Variants in KAZN observed in about 807,000 individuals in gnomAD.
KAZN encodes the protein kazrin, periplakin interacting protein.
KAZN carries 40 observed loss-of-function variants against 87.4 expected under a neutral mutation model. That is an observed-to-expected ratio of 0.46 (90% confidence interval 0.36 to 0.60). The LOEUF (loss-of-function observed/expected upper bound fraction) is 0.60, where lower values mean the gene tolerates loss of function less well. Ranked by LOEUF, KAZN falls within the 20% of genes least tolerant of loss-of-function variation. The pLI, the probability that KAZN is intolerant of heterozygous loss-of-function variation, is 0.00. For synonymous variants in KAZN, 466 were observed against 458.3 expected (o/e 1.02, Z -0.22); for missense variants, 898 against 1,073.9 (o/e 0.84, Z 2.29).
intron 2 of KAZN, among the ~76,000 whole-genome samples, chr1:14,204,131 G>C (rs1288477194): frequency 6.6e-6 from 1 of 152,224 alleles, no homozygotes; most frequent in Admixed American, 6.5e-5. Context: ...GTTAAGACTG[G>C]TTGACCCGTT....
chr1:15,101,924 C>T (rs1035154427), intron 11 of KAZN, 150 bp downstream of exon 11: 11 of 646,644 alleles, frequency 1.7e-5, no homozygotes, highest in South Asian at 5.4e-5. Flanking sequence ...ATTGATCATC[C>T]GTCCATCCAT....
At chr1:14,845,216 T>C (rs969000693) in intron 1 of KAZN, among the ~76,000 whole-genome samples, 7 of 143,248 alleles carry the variant, frequency 4.9e-5, no homozygotes, top group African/African-American at 1.9e-4. Context: ...AGTGGATGGG[T>C]GGGTGGATGG....
intron 2 of KAZN, among the ~76,000 whole-genome samples, chr1:14,580,174 G>A (rs964811988): frequency 2.0e-5 from 3 of 152,124 alleles, no homozygotes; most frequent in African/African-American, 7.2e-5. Flanking sequence ...GCTGGCGAAT[G>A]TATCTTTAAA....
In KAZN at chr1:15,099,491, G is replaced by C. The variant is rs904843175; in HGVS notation, c.1548-2052G>C. ...AGAAAAGGGAGATTTGACGCCCAAGGGATGAGGAGGGGTGAGCCCTGGGCA... is the reference window on the plus strand; with the variant it reads ...AGAAAAGGGAGATTTGACGCCCAAGCGATGAGGAGGGGTGAGCCCTGGGCA... On this transcript the variant is annotated intron_variant, in intron 10 of 14. Transcript: ENST00000376030. This position sits in a 1 kb window ranked among gnomAD's most constrained non-coding sequence, Gnocchi z 5.4. Among the ~76,000 whole-genome samples, 1 of 152,178 alleles carries C rather than the reference G, an allele frequency of 6.6e-6. No individual in the cohort carries two copies. Among genetic ancestry groups the C allele is most frequent in the Non-Finnish European group, 1.5e-5 (1 of 68,040 alleles).
At chr1:14,905,798 G>A (rs1274916304) in intron 1 of KAZN, among the ~76,000 whole-genome samples, 2 of 150,320 alleles carry the variant, frequency 1.3e-5, no homozygotes, top group East Asian at 4.0e-4. Flanking sequence ...AGCCGAGATG[G>A]CACCACTGCA....
At chr1:14,158,485 T>C (rs1645643922) in intron 1 of KAZN, among the ~76,000 whole-genome samples, 1 of 152,184 alleles carries the variant, frequency 6.6e-6, no homozygotes, top group Admixed American at 6.5e-5. Context: ...CTTTGTTATA[T>C]TTATTTGATA....
intron 2 of KAZN, among the ~76,000 whole-genome samples, chr1:14,276,635 T>C (rs985991998): frequency 1.3e-5 from 2 of 152,160 alleles, no homozygotes; most frequent in African/African-American, 4.8e-5. Context: ...ATCTTTCCTC[T>C]GTGTGTGTCT....
chr1:14,514,606 T>TGAA (rs1557770506), intron 2 of KAZN, among the ~76,000 whole-genome samples: 16 of 29,328 alleles, frequency 5.5e-4, no homozygotes, highest in Non-Finnish European at 7.9e-4. Context: ...TATATATATA[T>TGAA]ATATATATAT....
At chr1:13,953,524 T>C (rs1168489059) in intron 1 of KAZN, among the ~76,000 whole-genome samples, 1 of 152,200 alleles carries the variant, frequency 6.6e-6, no homozygotes, top group Non-Finnish European at 1.5e-5. Flanking sequence ...CCACCAGCCC[T>C]TTTCTTCTAG....
At chr1:14,205,528 G>C (rs1646721218) in intron 2 of KAZN, among the ~76,000 whole-genome samples, 1 of 152,112 alleles carries the variant, frequency 6.6e-6, no homozygotes, top group Non-Finnish European at 1.5e-5. Context: ...GATACACTGT[G>C]GCAGTGAAAA....
chr1:14,084,398 T>C (rs1643788292), intron 1 of KAZN, among the ~76,000 whole-genome samples: 1 of 152,162 alleles, frequency 6.6e-6, no homozygotes, highest in Admixed American at 6.5e-5. Flanking sequence ...GAATTCTCCC[T>C]GCTATTTGGC....
intron 2 of KAZN, among the ~76,000 whole-genome samples, chr1:14,360,989 C>T (rs1659456358): frequency 1.3e-5 from 2 of 152,236 alleles, no homozygotes; most frequent in Admixed American, 6.5e-5. Context: ...CGGCTGCTCT[C>T]TTCAGAGCCA....
intron 1 of KAZN, chr1:14,924,159 C>A: frequency 1.0e-6 from 1 of 982,206 alleles, no homozygotes; most frequent in Non-Finnish European, 1.2e-6. Context: ...GCTCCGCGGC[C>A]GAATTCCTCG....
At chr1:14,315,325 C>T (rs1655582115) in intron 2 of KAZN, among the ~76,000 whole-genome samples, 1 of 152,074 alleles carries the variant, frequency 6.6e-6, no homozygotes, top group Non-Finnish European at 1.5e-5. Flanking sequence ...CAGAACTAAA[C>T]AGTGAAGCAG....
At chr1:14,243,989 C>T (rs575774399) in intron 2 of KAZN, among the ~76,000 whole-genome samples, 2 of 152,328 alleles carry the variant, frequency 1.3e-5, no homozygotes, top group East Asian at 1.9e-4. Flanking sequence ...CCAAGAGAGA[C>T]ATGCAGAGTT....
At chr1:14,806,764 G>C (rs1006684977) in intron 1 of KAZN, among the ~76,000 whole-genome samples, 1 of 152,128 alleles carries the variant, frequency 6.6e-6, no homozygotes, top group Non-Finnish European at 1.5e-5. Context: ...GGGCTTATTG[G>C]CACCCTCTGC....
intron 1 of KAZN, among the ~76,000 whole-genome samples, chr1:14,609,672 C>T (rs1677659750): frequency 6.6e-6 from 1 of 152,210 alleles, no homozygotes; most frequent in Non-Finnish European, 1.5e-5. Context: ...AAGAAGGTTC[C>T]TGGGAAGCGC....
At chr1:14,563,774 C>T (rs1169749238) in intron 2 of KAZN, among the ~76,000 whole-genome samples, 1 of 151,840 alleles carries the variant, frequency 6.6e-6, no homozygotes, top group African/African-American at 2.4e-5. Context: ...AATAGCTTCC[C>T]AAATGGTCTC....
At chr1:14,862,885 A>G (rs966321419) in intron 1 of KAZN, among the ~76,000 whole-genome samples, 2 of 152,130 alleles carry the variant, frequency 1.3e-5, no homozygotes, top group Non-Finnish European at 2.9e-5. Context: ...GCCCCTGCAT[A>G]TGGTGTCTCA....
Sources: gnomAD v4.1 joint callset for allele counts (sites outside exome capture counted in the v4.1 genomes callset) on GRCh38, gnomAD v4.1.1 for gene constraint, Gnocchi (gnomAD v3.1) non-coding constraint, MANE v1.5 for transcripts, NCBI Gene and HGNC (gene_info 2026-07-23, HGNC 2026-07-21) for gene names.